The following LRP1B variants were observed in gnomAD, a reference collection of about 807,000 sequenced individuals.
LRP1B encodes the protein LDL receptor related protein 1B, also known as low-density lipoprotein receptor-related protein 1B.
In LRP1B, 217 loss-of-function variants were observed where a neutral mutation model predicts 556.6. The ratio of observed to expected loss-of-function variants is 0.39; its 90% CI spans 0.35 to 0.44. The LOEUF is 0.44. Among genes scored for constraint, LRP1B ranks in the 20% least tolerant of loss-of-function variants. LRP1B has a pLI of 1.00. For missense variants in LRP1B, 5,053 were observed against 5,620.8 expected (o/e 0.90, Z 3.23); for synonymous variants, 2,047 against 1,865.8 (o/e 1.10, Z -2.50).
chr2:140,933,574 G>T (rs1695117049), intron 20 of LRP1B, among the ~76,000 whole-genome samples: 2 of 151,952 alleles, frequency 1.3e-5, no homozygotes, highest in African/African-American at 4.8e-5. Flanking sequence ...ACAGGGTGAG[G>T]TTCTTCATTA....
chr2:140,450,486 C>T lies in LRP1B; in HGVS notation c.10057+82G>A, dbSNP rs907865714. 5.8e-6 allele frequency: 6 copies of T among 1,027,870 alleles called. No homozygotes were observed. In the Admixed American group the frequency reaches 1.0e-4, roughly 18 times the overall value. The allele number at this position is 1,027,870 out of a possible 1,614,324, so 63.7% of individuals were successfully genotyped here. ...TTTGGAAAAGTGTCAGAAGGCAATA[C>T]TTTAGGTGTAGATTCAATTTTCCAG... On this transcript the variant is annotated intron_variant, in intron 63 of 90. Coordinates refer to ENST00000389484, the MANE Select transcript of LRP1B (RefSeq NM_018557.3).
chr2:140,234,161 TGATAGAAA>T (rs1680593768), intron 90 of LRP1B, among the ~76,000 whole-genome samples: 1 of 151,188 alleles, frequency 6.6e-6, no homozygotes, highest in South Asian at 2.1e-4. Context: ...GAGACAAACA[TGATAGAAA>T]ATGAGGATGA....
At chr2:141,832,327 TCA>T (rs869062999) in intron 1 of LRP1B, among the ~76,000 whole-genome samples, 38,227 of 143,386 alleles carry the variant, frequency 0.27, 5,216 homozygotes, top group Non-Finnish European at 0.33. Flanking sequence ...TCTTTCTCTC[TCA>T]CACACACACA....
intron 3 of LRP1B, among the ~76,000 whole-genome samples, chr2:141,286,086 AAAT>A (rs1256764111): frequency 6.6e-5 from 10 of 151,310 alleles, no homozygotes; most frequent in African/African-American, 2.4e-4. Context: ...AAAAAAAAAA[AAAT>A]GTTCAATACC....
chr2:141,596,428 T>A (rs1343340215), intron 2 of LRP1B, among the ~76,000 whole-genome samples: 2 of 151,988 alleles, frequency 1.3e-5, no homozygotes, highest in Non-Finnish European at 2.9e-5. Flanking sequence ...TGATCAAAAG[T>A]CAAGTGATGA....
Position 140,573,808 on chromosome 2 carries a change from C to T in LRP1B, c.7194+24823G>A, listed in dbSNP as rs1318606683. Among the ~76,000 whole-genome samples the T allele has an allele frequency of 2.6e-5, 4 of 152,014 alleles. No individual in the cohort carries two copies. In the East Asian group the frequency reaches 5.8e-4, roughly 22 times the overall value. On this transcript the variant is annotated intron_variant, in intron 43 of 90. Coordinates refer to ENST00000389484, the MANE Select transcript of LRP1B (RefSeq NM_018557.3). ...AGTCATTCAGTTCACTAGTTCCACT[C>T]CTGTGATTTTTCAAGAGCCATTACA...
intron 6 of LRP1B, among the ~76,000 whole-genome samples, chr2:141,205,322 C>T (rs1365747546): frequency 1.3e-5 from 2 of 152,136 alleles, no homozygotes; most frequent in Admixed American, 1.3e-4. Flanking sequence ...GATGATTGAA[C>T]TTGAGTTTAT....
chr2:141,396,277 A>G lies in LRP1B; in HGVS notation c.343+84119T>C, dbSNP rs1404828965. Reference sequence around the variant, plus strand: ...CAATCGATCTTCAAGTTTAGTGTTGATTTTCTTTTTAGCTATATGAAAAAG... The same window carrying G: ...CAATCGATCTTCAAGTTTAGTGTTGGTTTTCTTTTTAGCTATATGAAAAAG... On this transcript the variant is annotated intron_variant, in intron 3 of 90. Coordinates refer to ENST00000389484, the MANE Select transcript of LRP1B (RefSeq NM_018557.3). Among the ~76,000 whole-genome samples the G allele has an allele frequency of 5.3e-5, 8 of 152,262 alleles. No individual in the cohort carries two copies. The East Asian group carries it at 1.5e-3, about 29-fold the overall frequency.
chr2:141,396,877 C>A (rs895479272), intron 3 of LRP1B, among the ~76,000 whole-genome samples: 1 of 151,928 alleles, frequency 6.6e-6, no homozygotes, highest in Admixed American at 6.6e-5. Flanking sequence ...AATCCCAGCA[C>A]TTTGGGAGGT....
chr2:141,432,341 T>G (rs1449800106), intron 3 of LRP1B, among the ~76,000 whole-genome samples: 1 of 152,112 alleles, frequency 6.6e-6, no homozygotes, highest in African/African-American at 2.4e-5. Flanking sequence ...TTTGGTTTGC[T>G]AGTATTTTGT....
chr2:140,760,422 C>T (rs1688874982), intron 35 of LRP1B, among the ~76,000 whole-genome samples: 1 of 152,154 alleles, frequency 6.6e-6, no homozygotes, highest in Admixed American at 6.5e-5. Flanking sequence ...CCTTGGGGTA[C>T]ACAATTTCCC....
At chr2:141,330,194 T>C (rs1022893261) in intron 3 of LRP1B, among the ~76,000 whole-genome samples, 2 of 152,214 alleles carry the variant, frequency 1.3e-5, no homozygotes, top group Admixed American at 6.5e-5. Flanking sequence ...ATAACCAGCA[T>C]ACCTTCACAC....
intron 41 of LRP1B, among the ~76,000 whole-genome samples, chr2:140,629,374 A>G (rs557247977): frequency 6.6e-6 from 1 of 152,138 alleles, no homozygotes; most frequent in South Asian, 2.1e-4. Context: ...GGCATCATGT[A>G]GTTATTTATA....
At chr2:140,679,342 T>A (rs1268078597) in intron 41 of LRP1B, among the ~76,000 whole-genome samples, 3 of 152,170 alleles carry the variant, frequency 2.0e-5, no homozygotes, top group Admixed American at 1.3e-4. Flanking sequence ...ACAATTTTTT[T>A]AAAAAGCCCT....
chr2:140,546,000 TTGTGTGTGTGTGTG>T (rs148045904), intron 43 of LRP1B, among the ~76,000 whole-genome samples: 2 of 142,602 alleles, frequency 1.4e-5, no homozygotes, highest in Admixed American at 7.1e-5. Context: ...TATTATTAGG[TTGTGTGTGTGTGTG>T]TGTGTGTGTG....
At chr2:140,565,420 A>G (rs1681090235) in intron 43 of LRP1B, among the ~76,000 whole-genome samples, 1 of 152,042 alleles carries the variant, frequency 6.6e-6, no homozygotes, top group Non-Finnish European at 1.5e-5. Context: ...TTACTTTTCT[A>G]TATTAATATT....
chr2:141,578,059 C>T (rs556790794), intron 2 of LRP1B, among the ~76,000 whole-genome samples: 21 of 151,950 alleles, frequency 1.4e-4, no homozygotes, highest in African/African-American at 3.6e-4. Context: ...CATACATAAA[C>T]GGGGGAAAAA....
intron 86 of LRP1B, among the ~76,000 whole-genome samples, chr2:140,260,229 T>C (rs1036304094): frequency 2.0e-5 from 3 of 151,906 alleles, no homozygotes; most frequent in African/African-American, 7.2e-5. Flanking sequence ...TCAAAAACAC[T>C]GAGTGTCTGA....
intron 7 of LRP1B, among the ~76,000 whole-genome samples, chr2:141,147,155 T>C (rs72853319): frequency 0.019 from 2,854 of 152,310 alleles, 47 homozygotes; most frequent in Middle Eastern, 0.037. Context: ...TTTTAGGTTG[T>C]TCCATGTCTC....
Sources: allele counts gnomAD v4.1 joint callset (sites outside exome capture counted in the v4.1 genomes callset), GRCh38; gene constraint gnomAD v4.1.1; transcripts MANE v1.5; gene names NCBI Gene and HGNC (gene_info 2026-07-23, HGNC 2026-07-21).